IL31RA: variants seen among roughly 807,000 people sequenced by gnomAD.
The protein encoded by IL31RA is interleukin 31 receptor A, also known as interleukin-31 receptor subunit alpha.
A neutral mutation model predicts 83.7 loss-of-function variants in IL31RA; 66 were observed. The observed-to-expected ratio is 0.79, with a 90% CI of 0.65 to 0.97. The LOEUF (loss-of-function observed/expected upper bound fraction) is 0.97, where lower values mean the gene tolerates loss of function less well. Among genes scored for constraint, IL31RA ranks in the 50% least tolerant of loss-of-function variants. The pLI is 0.00. For missense variants in IL31RA, 798 were observed against 919.4 expected, an observed-to-expected ratio of 0.87 and a Z score of 1.71; for synonymous variants, 325 against 329.0, an observed-to-expected ratio of 0.99 and a Z score of 0.13.
chr5:55,852,862 C>T (rs1391176938), intron 1 of IL31RA, among the ~76,000 whole-genome samples: 2 of 152,082 alleles, frequency 1.3e-5, no homozygotes, highest in African/African-American at 4.8e-5. Flanking sequence ...AGTTTCCTTG[C>T]CTATAAAGTG....
At chr5:55,907,324 C>T in intron 9 of IL31RA, 35 bp from the exon 10 acceptor site, 2 of 1,346,108 alleles carry the variant, frequency 1.5e-6, no homozygotes, top group East Asian at 2.3e-5. Context: ...CTGCCGTGCT[C>T]TGCACTTACA....
At chr5:55,904,923 T>C (rs1749050147) in intron 8 of IL31RA, among the ~76,000 whole-genome samples, 1 of 147,396 alleles carries the variant, frequency 6.8e-6, no homozygotes, top group South Asian at 2.2e-4. Flanking sequence ...TGGCTGGGCG[T>C]GGTGGCTCGT....
chr5:55,854,566 G>A (rs927947877), intron 1 of IL31RA, among the ~76,000 whole-genome samples: 4 of 151,986 alleles, frequency 2.6e-5, no homozygotes, highest in South Asian at 2.1e-4. Context: ...CCAACATGGC[G>A]AAACTCTGTC....
At chr5:55,864,899 A>G (rs1251330783) in intron 2 of IL31RA, among the ~76,000 whole-genome samples, 1 of 151,830 alleles carries the variant, frequency 6.6e-6, no homozygotes, top group Non-Finnish European at 1.5e-5. Flanking sequence ...ACCGCACACT[A>G]CACACACACC....
chr5:55,906,141 G>T lies in IL31RA; in HGVS notation c.1105G>T (p.Ala369Ser), dbSNP rs749554238. ...CATTGAGGTCATGCAGGCCTGCGTT[G>T]CTGAGGACCAGCTAGTGGTGAAGTG... ...QCIEVMQACVAEDQLVVKWQS... is the reference protein window; with the variant it reads ...QCIEVMQACVSEDQLVVKWQS... Residue 369 changes from alanine (A) to serine (S), a missense_variant, in exon 9 of 15, where the codon GCT (alanine) becomes TCT (serine). Transcript: ENST00000652347. 1 of 1,613,712 alleles carries T rather than the reference G, an allele frequency of 6.2e-7. No homozygotes were observed. Among genetic ancestry groups the T allele is most frequent in the South Asian group, 1.1e-5 (1 of 91,080 alleles).
chr5:55,839,857 A>G, the IL31RA span: 1 of 744,666 alleles, frequency 1.3e-6, no homozygotes, highest in Non-Finnish European at 2.5e-6. Flanking sequence ...GTTCAACAAA[A>G]GCCTTGTCAC....
chr5:55,893,996 G>T (rs144082640), intron 6 of IL31RA, among the ~76,000 whole-genome samples: 433 of 151,884 alleles, frequency 2.9e-3, no homozygotes, highest in African/African-American at 0.01. Context: ...CTAAATCCAA[G>T]AAGAATTTCA....
At chr5:55,909,643 TG>T (rs1749373385) in intron 11 of IL31RA, among the ~76,000 whole-genome samples, 1 of 152,228 alleles carries the variant, frequency 6.6e-6, no homozygotes, top group African/African-American at 2.4e-5. Context: ...CTCATTGACT[TG>T]CATTTCCCTA....
intron 12 of IL31RA, among the ~76,000 whole-genome samples, chr5:55,913,189 C>G (rs1377357948): frequency 6.6e-6 from 1 of 152,054 alleles, no homozygotes; most frequent in Admixed American, 6.5e-5. Flanking sequence ...CTCCCAGGTT[C>G]AAGCGATTCT....
At chr5:55,891,858 C>A (rs1282804259) in intron 6 of IL31RA, among the ~76,000 whole-genome samples, 1 of 144,596 alleles carries the variant, frequency 6.9e-6, no homozygotes, top group Non-Finnish European at 1.5e-5. Context: ...TCACCGCAAG[C>A]TCCGCCTCCC....
chr5:55,909,801 T>A (rs1039171342), intron 11 of IL31RA, among the ~76,000 whole-genome samples: 12 of 151,526 alleles, frequency 7.9e-5, no homozygotes, highest in Admixed American at 1.3e-4. Flanking sequence ...ACCTCCCAGG[T>A]TCAAGCGATT....
chr5:55,883,257 A>G (rs1747371356), intron 5 of IL31RA, 62 bp downstream of exon 5: 1 of 1,344,630 alleles, frequency 7.4e-7, no homozygotes, highest in Non-Finnish European at 1.1e-6. Context: ...ATCATTGACA[A>G]CTATTGTTGA....
rs1236352229 is a variant in IL31RA at position 55,903,220 on chromosome 5, G to A, written c.1070-2886G>A. The stretch of plus-strand genomic sequence containing the variant: ...CGGCCACTGTGTCATAAGGCCAGAG[G>A]AGGAAGATGGGCCCAAGTTGGGGCA... On this transcript the variant is annotated intron_variant, in intron 8 of 14. Coordinates refer to ENST00000652347, the MANE Select transcript of IL31RA (RefSeq NM_139017.7). The surrounding 1 kb of genome is among the most constrained non-coding windows in gnomAD (Gnocchi z 4.7). 1.3e-5 allele frequency among the ~76,000 whole-genome samples: 2 copies of A among 152,242 alleles called. No homozygotes were observed. Among genetic ancestry groups the A allele is most frequent in the African/African-American group, 4.8e-5 (2 of 41,472 alleles).
intron 14 of IL31RA, among the ~76,000 whole-genome samples, chr5:55,916,254 T>A (rs1749772808): frequency 6.6e-6 from 1 of 151,936 alleles, no homozygotes; most frequent in South Asian, 2.1e-4. Flanking sequence ...GTGGTGTGCA[T>A]CTGTAGCCCC....
In IL31RA at chr5:55,913,472, C is replaced by A; in HGVS notation, c.1643-5C>A. 1 of 1,599,610 alleles carries A rather than the reference C, an allele frequency of 6.3e-7. No individual in the cohort carries two copies. The highest frequency in any genetic ancestry group is 8.6e-7 in the Non-Finnish European group (1 of 1,166,874). ...CTACTGACTTTTGTTCTTTGTTTTT[C>A]AAAGGTGTCTTTGAGATTATCCTCA... is the stretch of plus-strand genomic sequence containing the variant. On this transcript the variant is annotated splice_region_variant and splice_polypyrimidine_tract_variant and intron_variant, in intron 12 of 14. Transcript: ENST00000652347.
chr5:55,908,725 G>T (rs574984615), intron 11 of IL31RA: 25 of 1,452,678 alleles, frequency 1.7e-5, no homozygotes, highest in Non-Finnish European at 2.2e-5. Context: ...CAGGAATGGC[G>T]TGCCTGGCTT....
At chr5:55,879,879 T>G (rs1747097556) in intron 4 of IL31RA, among the ~76,000 whole-genome samples, 1 of 152,192 alleles carries the variant, frequency 6.6e-6, no homozygotes, top group Non-Finnish European at 1.5e-5. Flanking sequence ...TAACTAATAC[T>G]TTCTATCTCC....
chr5:55,872,288 T>G lies in IL31RA; in HGVS notation c.291T>G (p.His97Gln). 1 of 1,613,290 alleles carries G rather than the reference T, an allele frequency of 6.2e-7. No homozygotes were observed. The highest frequency in any genetic ancestry group is 8.5e-7 in the Non-Finnish European group (1 of 1,179,468). ...TTCAAAGCGCTTTTGGAGAAAAACA[T>G]GATAATTGTACAACCAATAGTTCTA... ...VKRTYAFGEK[H>Q]DNCTTNSSTS... Residue 97 changes from histidine (H) to glutamine (Q), a missense_variant, in exon 4 of 15, where the codon CAT becomes CAG. Physicochemically the swap from His to Gln is conservative, Grantham distance 24 (BLOSUM62 0). Coordinates refer to ENST00000652347, the MANE Select transcript of IL31RA (RefSeq NM_139017.7).
rs995325844 is a variant in IL31RA at position 55,903,925 on chromosome 5, A to G, written c.1070-2181A>G. 2.6e-5 allele frequency among the ~76,000 whole-genome samples: 4 copies of G among 152,144 alleles called. No individual in the cohort carries two copies. Among genetic ancestry groups the G allele is most frequent in the African/African-American group, 4.8e-5 (2 of 41,412 alleles). ...AAGGTGCTGGTTGGCCATGCTCCCT[A>G]AAGTCTCTAGGGGAGAATCCTTCCT... On this transcript the variant is annotated intron_variant, in intron 8 of 14. Coordinates refer to ENST00000652347, the MANE Select transcript of IL31RA (RefSeq NM_139017.7). This position sits in a 1 kb window ranked among gnomAD's most constrained non-coding sequence, Gnocchi z 4.7.
Sources: gnomAD v4.1 joint callset for allele counts (sites outside exome capture counted in the v4.1 genomes callset) on GRCh38, gnomAD v4.1.1 for gene constraint, Gnocchi (gnomAD v3.1) non-coding constraint, MANE v1.5 for transcripts, NCBI Gene and HGNC (gene_info 2026-07-23, HGNC 2026-07-21) for gene names.